Variants in NRXN3 observed in about 807,000 individuals in gnomAD.
The protein encoded by NRXN3 is neurexin 3.
A neutral mutation model predicts 137.6 loss-of-function variants in NRXN3; 32 were observed. That is an observed-to-expected ratio of 0.23 (90% CI 0.18 to 0.31). The LOEUF is 0.31. Among genes scored for constraint, NRXN3 ranks in the 10% least tolerant of loss-of-function variants. The pLI, the probability that NRXN3 is intolerant of heterozygous loss-of-function variation, is 1.00. For synonymous variants in NRXN3, 798 were observed against 784.5 expected, an observed-to-expected ratio of 1.02 and a Z score of -0.29; for missense variants, 1,574 against 2,062.5, an observed-to-expected ratio of 0.76 and a Z score of 4.59.
chr14:78,363,147 G>C (rs1030124286), intron 4 of NRXN3, among the ~76,000 whole-genome samples: 2 of 152,110 alleles, frequency 1.3e-5, no homozygotes, highest in African/African-American at 4.8e-5. Context: ...CCTTCTTCCA[G>C]CCTGGCCCGG....
chr14:79,614,189 G>A (rs887691189), intron 16 of NRXN3, among the ~76,000 whole-genome samples: 3 of 152,184 alleles, frequency 2.0e-5, no homozygotes, highest in Non-Finnish European at 2.9e-5. Context: ...TGATGGTTCC[G>A]TTGAGATAGA....
rs2053005354 is a variant in NRXN3 at position 79,109,100 on chromosome 14, A to C, written c.3262+120959A>C. 3.3e-5 allele frequency among the ~76,000 whole-genome samples: 5 copies of C among 152,178 alleles called. No individual in the cohort carries two copies. In the South Asian group the frequency reaches 1.0e-3, roughly 31 times the overall value. ...CTTTTAAGTAATAGATGTTCAGTGA[A>C]TGTTACATTGGTTTTTAATGGACTT... On this transcript the variant is annotated intron_variant, in intron 15 of 20. Coordinates refer to ENST00000335750, the MANE Select transcript of NRXN3 (RefSeq NM_001330195.2).
rs547287572 is a variant in NRXN3, at chr14:79,348,104, G to A, written c.3263-119117G>A. Among the ~76,000 whole-genome samples, 78 of 152,016 alleles carry A rather than the reference G, an allele frequency of 5.1e-4. 1 individual carries two copies. Among genetic ancestry groups the A allele is most frequent in the Non-Finnish European group, 9.1e-4 (62 of 68,026 alleles). On this transcript the variant is annotated intron_variant, in intron 15 of 20. Coordinates refer to ENST00000335750, the MANE Select transcript of NRXN3 (RefSeq NM_001330195.2). ...TCCTGCCAAGAGGGTATTTACCGCA[G>A]TATTTCCATCATTGTTAACAGAGCC...
chr14:78,807,552 A>G (rs1364569342), intron 9 of NRXN3, among the ~76,000 whole-genome samples: 2 of 151,984 alleles, frequency 1.3e-5, no homozygotes, highest in African/African-American at 2.4e-5. Context: ...CCTGGCCAAC[A>G]TGGTGAAACC....
At chr14:78,292,171 A>G (rs2075866973) in intron 3 of NRXN3, among the ~76,000 whole-genome samples, 2 of 152,238 alleles carry the variant, frequency 1.3e-5, no homozygotes, top group Admixed American at 1.3e-4. Context: ...TTCTCATGAC[A>G]GGCTTCATGA....
At chr14:79,806,953 T>C (rs1460175701) in intron 20 of NRXN3, among the ~76,000 whole-genome samples, 3 of 72,894 alleles carry the variant, frequency 4.1e-5, no homozygotes, top group South Asian at 6.2e-4. Flanking sequence ...TATATATATA[T>C]ATATATATAT....
chr14:79,405,307 A>G (rs1338844780), intron 15 of NRXN3, among the ~76,000 whole-genome samples: 1 of 152,148 alleles, frequency 6.6e-6, no homozygotes, highest in African/African-American at 2.4e-5. Context: ...GGGATGTGCT[A>G]TCATCGCTTT....
At chr14:79,029,763 T>C (rs1345997113) in intron 15 of NRXN3, among the ~76,000 whole-genome samples, 1 of 125,194 alleles carries the variant, frequency 8.0e-6, no homozygotes, top group Non-Finnish European at 1.7e-5. Flanking sequence ...AAAATGCCCC[T>C]TGGAGAGGGC....
intron 4 of NRXN3, among the ~76,000 whole-genome samples, chr14:78,501,317 C>G (rs1015160004): frequency 1.3e-5 from 2 of 152,158 alleles, no homozygotes; most frequent in African/African-American, 4.8e-5. Context: ...CAAGCTTTCT[C>G]CCGGTTGTTG....
chr14:79,492,105 A>T (rs2096722783), intron 16 of NRXN3, among the ~76,000 whole-genome samples: 1 of 152,180 alleles, frequency 6.6e-6, no homozygotes, highest in African/African-American at 2.4e-5. Flanking sequence ...TGTTACTGTT[A>T]AATTTGCTTG....
chr14:79,784,614 C>CTTTT (rs540234381), intron 19 of NRXN3, among the ~76,000 whole-genome samples: 10 of 76,590 alleles, frequency 1.3e-4, no homozygotes, highest in Admixed American at 3.1e-4. Context: ...TGTTGTGTTG[C>CTTTT]TTTTTTTTTT....
intron 15 of NRXN3, among the ~76,000 whole-genome samples, chr14:79,315,802 A>G (rs1291025379): frequency 1.3e-5 from 2 of 152,238 alleles, no homozygotes; most frequent in Non-Finnish European, 2.9e-5. Context: ...GAGCTACAAT[A>G]GAAAGAAGTT....
At chr14:79,206,169 CAA>C (rs1007315969) in intron 15 of NRXN3, among the ~76,000 whole-genome samples, 2 of 152,090 alleles carry the variant, frequency 1.3e-5, no homozygotes, top group African/African-American at 4.8e-5. Flanking sequence ...TAATTTGCAT[CAA>C]GTTATACTCA....
At position 79,529,370 on chromosome 14, in the gene NRXN3, G is replaced by T. The variant is rs368208637; in HGVS notation, c.3444+61968G>T. Among the ~76,000 whole-genome samples, 71 of 152,344 alleles carry T rather than the reference G, an allele frequency of 4.7e-4. No individual in the cohort carries two copies. In the East Asian group the frequency reaches 7.7e-3, roughly 17 times the overall value. On this transcript the variant is annotated intron_variant, in intron 16 of 20. Coordinates refer to ENST00000335750, the MANE Select transcript of NRXN3 (RefSeq NM_001330195.2). The stretch of plus-strand genomic sequence containing the variant: ...AGTTATGAGTTGATTTTTAGCTACT[G>T]GGTTTAGGCCAGGCAGGCCCAGGCC...
chr14:79,052,792 G>A (rs2099643839), intron 15 of NRXN3, among the ~76,000 whole-genome samples: 2 of 152,260 alleles, frequency 1.3e-5, no homozygotes, highest in East Asian at 3.9e-4. Context: ...GGGATCAGAG[G>A]CTGCCTGCTG....
chr14:78,751,508 C>G (rs113310435), intron 8 of NRXN3, among the ~76,000 whole-genome samples: 3,718 of 152,224 alleles, frequency 0.024, 77 homozygotes, highest in Non-Finnish European at 0.037. Context: ...TCTCCTATCG[C>G]TCTGTTTGTA....
intron 16 of NRXN3, among the ~76,000 whole-genome samples, chr14:79,483,930 C>T (rs546963350): frequency 3.3e-5 from 5 of 152,308 alleles, no homozygotes; most frequent in African/African-American, 1.2e-4. Context: ...CCTATTCACA[C>T]TCTACCATCT....
At chr14:78,948,093 A>G (rs1428638162) in intron 10 of NRXN3, among the ~76,000 whole-genome samples, 2 of 152,210 alleles carry the variant, frequency 1.3e-5, no homozygotes, top group African/African-American at 4.8e-5. Flanking sequence ...GCAAAGCCTG[A>G]GACAAAGACT....
At chr14:78,691,844 A>C (rs757421102) in intron 6 of NRXN3, among the ~76,000 whole-genome samples, 1 of 152,174 alleles carries the variant, frequency 6.6e-6, no homozygotes, top group East Asian at 1.9e-4. Flanking sequence ...CTTGCTGGTC[A>C]GAAGAGAGTT....
Sources: allele counts gnomAD v4.1 joint callset (sites outside exome capture counted in the v4.1 genomes callset), GRCh38; gene constraint gnomAD v4.1.1; transcripts MANE v1.5; gene names NCBI Gene and HGNC (gene_info 2026-07-23, HGNC 2026-07-21).